FBF1: variants seen among roughly 807,000 people sequenced by gnomAD.
FBF1 encodes fas-binding factor 1.
In FBF1, 119 loss-of-function variants were observed where a neutral mutation model predicts 147.2. The ratio of observed to expected loss-of-function variants is 0.81; its 90% CI spans 0.70 to 0.94. FBF1 has a LOEUF of 0.94. FBF1 is among the 40% of genes least tolerant of loss of function. The probability of loss-of-function intolerance (pLI) is 0.00; values close to 1 mark genes in which losing one functional copy is unlikely to be tolerated. For missense variants in FBF1, 1,449 were observed against 1,500.8 expected (o/e 0.97, Z 0.57); for synonymous variants, 601 against 609.0 (o/e 0.99, Z 0.19).
rs1171871140 is a variant in FBF1 at position 75,918,157 on chromosome 17, C to T, written c.2246+5G>A. On this transcript the variant is annotated splice_donor_5th_base_variant and intron_variant, in intron 21 of 29. Transcript: ENST00000636174. The surrounding 1 kb of genome is among the most constrained non-coding windows in gnomAD (Gnocchi z 5.8). ...AGGCGGGCATGGTTGGGGCAGCGCA[C>T]ATACCGCGTGTGGGAGGTGGCACTG... 1.9e-6 allele frequency: 3 copies of T among 1,613,096 alleles called. No homozygotes were observed. Among genetic ancestry groups the T allele is most frequent in the Admixed American group, 3.3e-5 (2 of 59,928 alleles).
In FBF1 at chr17:75,915,079, C is replaced by A; in HGVS notation, c.2566G>T (p.Glu856Ter). Residue 856 changes from glutamate (E) to a stop codon, truncating the protein, a stop_gained, in exon 24 of 30, where the codon GAG (glutamate) becomes TAG (stop). Coordinates refer to ENST00000636174, the MANE Select transcript of FBF1 (RefSeq NM_001319193.2). LOFTEE classifies it high-confidence loss of function. Reference protein sequence around the residue: ...KAESMQRALEEQRKVTAQQMA... With the variant: ...KAESMQRALE Reference sequence around the variant, plus strand: ...TGCTGGGCCGTGACCTTCCTTTGCTCCTCTAGGGCGCGCTGCATGGACTCC... The same window carrying A: ...TGCTGGGCCGTGACCTTCCTTTGCTACTCTAGGGCGCGCTGCATGGACTCC... The A allele has an allele frequency of 1.9e-6, 3 of 1,613,298 alleles. No homozygotes were observed. The highest frequency in any genetic ancestry group is 2.5e-6 in the Non-Finnish European group (3 of 1,179,852).
In FBF1 at chr17:75,926,399, T is replaced by A; in HGVS notation, c.623A>T (p.Asp208Val). The A allele has an allele frequency of 6.3e-7, 1 of 1,593,544 alleles. No individual in the cohort carries two copies. Among genetic ancestry groups the A allele is most frequent in the South Asian group, 1.1e-5 (1 of 87,392 alleles). Residue 208 changes from aspartate (D) to valine (V), a missense_variant, in exon 11 of 30, where the codon GAC (aspartate) becomes GTC (valine). By Grantham distance (152) the Asp-to-Val change is radical. Transcript: ENST00000636174. The stretch of plus-strand genomic sequence containing the variant: ...TTCTTCTTTTTTTCGGATGGGGGTG[T>A]CCCCAGGAGTTAGAGGAATAGAGGG... ...QGPSIPLTPGDTPIRKKEELL... is the reference protein window; with the variant it reads ...QGPSIPLTPGVTPIRKKEELL...
rs2065524507 is a variant in FBF1 at position 75,921,273 on chromosome 17, T to G, written c.1645A>C (p.Lys549Gln). Residue 549 changes from lysine to glutamine, a missense_variant, in exon 17 of 30, where the codon AAA (lysine) becomes CAA (glutamine). Lys to Gln is a moderately conservative substitution (Grantham distance 53). Transcript: ENST00000636174. The stretch of plus-strand genomic sequence containing the variant: ...ACGGGCACGGAAGGCTCTGTGGGTT[T>G]CTGGGTGCTCGGGAAACACGTGGCA... Reference protein sequence around the residue: ...EPATCFPSTQKPTEPSVPVQP... With the variant: ...EPATCFPSTQQPTEPSVPVQP... 2 of 1,593,370 alleles carry G rather than the reference T, an allele frequency of 1.3e-6. No individual in the cohort carries two copies. Among genetic ancestry groups the G allele is most frequent in the Non-Finnish European group, 8.5e-7 (1 of 1,169,976 alleles).
Position 75,919,708 on chromosome 17 carries a change from C to T in FBF1, c.2098G>A (p.Glu700Lys). 6.2e-7 allele frequency: 1 copy of T among 1,612,316 alleles called. No homozygotes were observed. The highest frequency in any genetic ancestry group is 8.5e-7 in the Non-Finnish European group (1 of 1,179,610). ...HQRRLAAIAQ[E>K]KDQEMERLRE... ...AGCCGCTCCATTTCCTGGTCCTTCT[C>T]CTGCGCTATGGCCGCCAAGCGCCGC... The change falls in exon 20 of 30, where the codon GAG becomes AAG. Residue 700 changes from glutamate (E) to lysine (K), a missense_variant. Coordinates refer to ENST00000636174, the MANE Select transcript of FBF1 (RefSeq NM_001319193.2). This position sits in a 1 kb window ranked among gnomAD's most constrained non-coding sequence, Gnocchi z 5.0.
At chr17:75,915,710 T>C (rs1054782880) in intron 23 of FBF1, among the ~76,000 whole-genome samples, 1 of 152,086 alleles carries the variant, frequency 6.6e-6, no homozygotes, top group African/African-American at 2.4e-5. Context: ...ATTTTCTTCT[T>C]TAAAAACATT....
intron 7 of FBF1, 54 bp downstream of exon 7, chr17:75,929,943 T>A: frequency 1.4e-6 from 1 of 701,756 alleles, no homozygotes; most frequent in Non-Finnish European, 2.6e-6. Flanking sequence ...CAAAATATCA[T>A]GACCCCACCC....
chr17:75,931,289 C>A lies in FBF1; in HGVS notation c.168G>T (p.Lys56Asn), dbSNP rs1240046814. The stretch of plus-strand genomic sequence containing the variant: ...TGAAGACATCATCACCCAGGAGGGA[C>A]CTGCAAAGGGGAGGCGTCAGCCCCT... ...QMFPSSKART[K>N]SLLGDDVFST... The change falls in exon 6 of 30, where the codon AAG (lysine) becomes AAT (asparagine). Residue 56 changes from lysine to asparagine, a missense_variant and splice_region_variant. Transcript: ENST00000636174. 1 of 1,582,106 alleles carries A rather than the reference C, an allele frequency of 6.3e-7. No individual in the cohort carries two copies. The highest frequency in any genetic ancestry group is 8.6e-7 in the Non-Finnish European group (1 of 1,164,346).
rs2065510306 is a variant in FBF1, at chr17:75,919,558, C to G, written c.2138+110G>C. 1.7e-5 allele frequency: 21 copies of G among 1,272,656 alleles called. No individual in the cohort carries two copies. The highest frequency in any genetic ancestry group is 2.3e-5 in the Non-Finnish European group (21 of 924,038). The allele number at this position is 1,272,656 out of a possible 1,614,324, so 78.8% of individuals were successfully genotyped here. On this transcript the variant is annotated intron_variant, in intron 20 of 29. Coordinates refer to ENST00000636174, the MANE Select transcript of FBF1 (RefSeq NM_001319193.2). The surrounding 1 kb of genome is among the most constrained non-coding windows in gnomAD (Gnocchi z 5.0). The stretch of plus-strand genomic sequence containing the variant: ...CTCACTGGACTGGGAGGGAAGGACC[C>G]AACCCCTGTCCAAAGGCTGCTGAGC...
At chr17:75,936,914 A>ATG (rs1387074124) in intron 3 of FBF1, among the ~76,000 whole-genome samples, 4 of 152,076 alleles carry the variant, frequency 2.6e-5, no homozygotes, top group African/African-American at 9.7e-5. Flanking sequence ...ACTGGTCTGG[A>ATG]TGTCCTCATC....
chr17:75,939,295 C>CAAA (rs56272719), intron 1 of FBF1, among the ~76,000 whole-genome samples: 9 of 82,972 alleles, frequency 1.1e-4, no homozygotes, highest in Non-Finnish European at 1.8e-4. Context: ...ACTCTGTCTC[C>CAAA]AAAAAAAAAA....
In FBF1 at chr17:75,919,751, C is replaced by T; in HGVS notation, c.2055G>A (p.Glu685=). 2 of 1,613,548 alleles carry T rather than the reference C, an allele frequency of 1.2e-6. No homozygotes were observed. Among genetic ancestry groups the T allele is most frequent in the Admixed American group, 3.3e-5 (2 of 60,026 alleles). ...QCQEAEQARA[E]LTAQHQRRLA... Reference sequence around the variant, plus strand: ...AGCGCCGCTGGTGCTGGGCCGTAAGCTCAGCACGGGCCTGTTCGGCCTCCT... The same window carrying T: ...AGCGCCGCTGGTGCTGGGCCGTAAGTTCAGCACGGGCCTGTTCGGCCTCCT... Residue 685 remains glutamate, a synonymous_variant, in exon 20 of 30, where the codon GAG becomes GAA. Transcript: ENST00000636174. The surrounding 1 kb of genome is among the most constrained non-coding windows in gnomAD (Gnocchi z 5.0).
rs1426844045 is a variant in FBF1, at chr17:75,915,180, C to T, written c.2506-41G>A. 4 of 1,582,098 alleles carry T rather than the reference C, an allele frequency of 2.5e-6. No individual in the cohort carries two copies. In the Admixed American group the frequency reaches 7.0e-5, roughly 28 times the overall value. On this transcript the variant is annotated intron_variant, in intron 23 of 29. Transcript: ENST00000636174. ...CAGGACTGAGAGCGTGGTTCCCGCC[C>T]TGAGGATCACGCCTGGCCACTCCCT...
In FBF1 at chr17:75,922,949, T is replaced by A. The variant is rs138167046; in HGVS notation, c.1424+237A>T. The stretch of plus-strand genomic sequence containing the variant: ...ACCTGTCCCCATGGCGGTCAGGGCA[T>A]GAATGTCAACAGCCCTCCTTCTTGG... On this transcript the variant is annotated intron_variant, in intron 14 of 29. Transcript: ENST00000636174. This position sits in a 1 kb window ranked among gnomAD's most constrained non-coding sequence, Gnocchi z 5.0. Among the ~76,000 whole-genome samples, 1 of 152,356 alleles carries A rather than the reference T, an allele frequency of 6.6e-6. No homozygotes were observed. The highest frequency in any genetic ancestry group is 1.9e-4 in the East Asian group (1 of 5,184).
chr17:75,928,298 A>G lies in FBF1; in HGVS notation c.280-105T>C. Reference sequence around the variant, plus strand: ...GGCACCCCAGGTGTAGAATTGTGAGAAAACAAAGGAAAATGAGAAAACTGT... The same window carrying G: ...GGCACCCCAGGTGTAGAATTGTGAGGAAACAAAGGAAAATGAGAAAACTGT... On this transcript the variant is annotated intron_variant, in intron 7 of 29. Transcript: ENST00000636174. The surrounding 1 kb of genome is among the most constrained non-coding windows in gnomAD (Gnocchi z 4.2). 2.4e-6 allele frequency: 2 copies of G among 824,870 alleles called. No individual in the cohort carries two copies. The highest frequency in any genetic ancestry group is 3.1e-5 in the South Asian group (2 of 64,618). 51.1% of individuals were successfully genotyped at this position (824,870 alleles called of 1,614,324 possible).
Position 75,923,151 on chromosome 17 carries a change from C to T in FBF1, c.1424+35G>A. The T allele has an allele frequency of 6.6e-7, 1 of 1,512,800 alleles. No individual in the cohort carries two copies. Among genetic ancestry groups the T allele is most frequent in the Non-Finnish European group, 8.9e-7 (1 of 1,125,902 alleles). The allele number at this position is 1,512,800 out of a possible 1,614,324, so 93.7% of individuals were successfully genotyped here. A position where few individuals can be genotyped will look rare whatever the true frequency, so the allele number is the denominator to read the frequency against. Reference sequence around the variant, plus strand: ...GGGCTCCTCAAGTCCCCAGCCAGTCCTCCCCCTACTAGCCACAGCAGCCTA... The same window carrying T: ...GGGCTCCTCAAGTCCCCAGCCAGTCTTCCCCCTACTAGCCACAGCAGCCTA... On this transcript the variant is annotated intron_variant, in intron 14 of 29. Coordinates refer to ENST00000636174, the MANE Select transcript of FBF1 (RefSeq NM_001319193.2). This position sits in a 1 kb window ranked among gnomAD's most constrained non-coding sequence, Gnocchi z 4.1.
At chr17:75,939,309 A>C (rs201137417) in intron 1 of FBF1, among the ~76,000 whole-genome samples, 3 of 133,914 alleles carry the variant, frequency 2.2e-5, no homozygotes, top group Admixed American at 7.1e-5. Flanking sequence ...AAAAAAAAAA[A>C]AAAAAAAACG....
At chr17:75,912,911 A>G (rs1157249009) in intron 28 of FBF1, among the ~76,000 whole-genome samples, 1 of 151,962 alleles carries the variant, frequency 6.6e-6, no homozygotes, top group Non-Finnish European at 1.5e-5. Flanking sequence ...ATGGTAGCAC[A>G]TGCCTGTAAT....
Position 75,917,837 on chromosome 17 carries a change from C to A in FBF1, c.2400G>T (p.Arg800=). The change falls in exon 23 of 30, where the codon CGG becomes CGT. Residue 800 remains arginine, a synonymous_variant. Transcript: ENST00000636174. Reference sequence around the variant, plus strand: ...CCATGTCCCGCTGCTGCTGGCCCAGCCGCTCCTGCAGTGCTGGGGGCAACC... The same window carrying A: ...CCATGTCCCGCTGCTGCTGGCCCAGACGCTCCTGCAGTGCTGGGGGCAACC... ...RDEQLRALQE[R]LGQQQRDMEE... 6.2e-7 allele frequency: 1 copy of A among 1,606,206 alleles called. No individual in the cohort carries two copies. Among genetic ancestry groups the A allele is most frequent in the Non-Finnish European group, 8.5e-7 (1 of 1,177,382 alleles).
chr17:75,915,688 T>C (rs571702434), intron 23 of FBF1, among the ~76,000 whole-genome samples: 3 of 152,248 alleles, frequency 2.0e-5, no homozygotes, highest in Non-Finnish European at 4.4e-5. Context: ...CTCTGACTAG[T>C]GGGATATTTT....
Sources: allele counts gnomAD v4.1 joint callset (sites outside exome capture counted in the v4.1 genomes callset), GRCh38; gene constraint gnomAD v4.1.1; non-coding constraint Gnocchi (gnomAD v3.1); transcripts MANE v1.5; gene names NCBI Gene and HGNC (gene_info 2026-07-23, HGNC 2026-07-21).